Variants in KDM4C observed in about 807,000 individuals in gnomAD.
The protein encoded by KDM4C is lysine-specific demethylase 4C.
Under a neutral mutation model 129.3 loss-of-function variants are expected in KDM4C, and 81 were observed. The observed-to-expected ratio is 0.63, with a 90% CI of 0.52 to 0.75. The LOEUF is 0.75. KDM4C is among the 30% of genes least tolerant of loss of function. The pLI is 0.00. For missense variants in KDM4C, 1,457 were observed against 1,304.0 expected, an observed-to-expected ratio of 1.12 and a Z score of -1.81; for synonymous variants, 573 against 456.1, an observed-to-expected ratio of 1.26 and a Z score of -3.26.
chr9:6,777,864 A>G (rs1159944959), intron 1 of KDM4C, among the ~76,000 whole-genome samples: 1 of 151,970 alleles, frequency 6.6e-6, no homozygotes, highest in African/African-American at 2.4e-5. Context: ...TAGTCAGGAT[A>G]ACTAGTCCCA....
At chr9:6,836,315 T>C (rs1487452332) in intron 4 of KDM4C, among the ~76,000 whole-genome samples, 2 of 152,116 alleles carry the variant, frequency 1.3e-5, no homozygotes, top group African/African-American at 2.4e-5. Flanking sequence ...GAGGTTGCGG[T>C]GCGCCAAGAT....
intron 19 of KDM4C, among the ~76,000 whole-genome samples, chr9:7,154,915 T>A (rs1843016789): frequency 6.6e-6 from 1 of 152,182 alleles, no homozygotes; most frequent in Admixed American, 6.5e-5. Context: ...TAGGTGAAGA[T>A]GGACTGCTTC....
chr9:6,769,216 TC>T (rs559470469), intron 1 of KDM4C, among the ~76,000 whole-genome samples: 75 of 152,274 alleles, frequency 4.9e-4, no homozygotes, highest in Middle Eastern at 3.4e-3. Context: ...GTTTTTTTTT[TC>T]CATGCAATCT....
rs1491581614 is a variant in KDM4C, at chr9:7,068,682, C to CTCTCTTTTTTTTTTT, written c.2424+19483_2424+19484insCTCTTTTTTTTTTTT. Among the ~76,000 whole-genome samples the CTCTCTTTTTTTTTTT allele has an allele frequency of 5.6e-5, 5 of 88,534 alleles. 1 individual carries two copies. Among genetic ancestry groups the CTCTCTTTTTTTTTTT allele is most frequent in the African/African-American group, 8.9e-5 (2 of 22,402 alleles). The allele number at this position is 88,534 out of a possible 152,430, so 58.1% of individuals were successfully genotyped here. On this transcript the variant is annotated intron_variant, in intron 17 of 21. Transcript: ENST00000381309. ...CTATTTCATACATGTTTATGATGCC[C>CTCTCTTTTTTTTTTT]TTTCTTTTTTTTTTTTTTTTTTTTT...
intron 17 of KDM4C, among the ~76,000 whole-genome samples, chr9:7,094,927 C>T (rs773612418): frequency 6.6e-6 from 1 of 152,120 alleles, no homozygotes; most frequent in Non-Finnish European, 1.5e-5. Flanking sequence ...CACTCAGGGG[C>T]CTTGGGATAG....
At chr9:6,851,166 A>T (rs1284917650) in intron 5 of KDM4C, among the ~76,000 whole-genome samples, 1 of 152,080 alleles carries the variant, frequency 6.6e-6, no homozygotes, top group African/African-American at 2.4e-5. Context: ...TTTTGTAGAG[A>T]TGGAGTCTTA....
intron 1 of KDM4C, chr9:6,726,451 A>T (rs1817131029): frequency 6.6e-6 from 1 of 152,250 alleles, no homozygotes; most frequent in African/African-American, 2.4e-5. Flanking sequence ...GTCAGTGATG[A>T]CACATCTGGC....
Position 6,984,230 on chromosome 9 carries a change from G to T in KDM4C, c.1180G>T (p.Glu394Ter). ...KADEEEEVSD[E>*]VDGAEVPNPD... is the part of the protein sequence containing the mutation. ...TGATGAGGAAGAGGAAGTGTCAGAT[G>T]AAGTCGATGGGGCAGAGGTCCCTAA... The change falls in exon 10 of 22, where the codon GAA becomes TAA. Residue 394 changes from glutamate (E) to a stop codon, truncating the protein, a stop_gained. Transcript: ENST00000381309. LOFTEE classifies it high-confidence loss of function. The T allele has an allele frequency of 6.2e-7, 1 of 1,613,936 alleles. No individual in the cohort carries two copies. The highest frequency in any genetic ancestry group is 8.5e-7 in the Non-Finnish European group (1 of 1,179,854).
chr9:7,154,353 CTA>C (rs1237909030), intron 19 of KDM4C, among the ~76,000 whole-genome samples: 1 of 152,220 alleles, frequency 6.6e-6, no homozygotes, highest in African/African-American at 2.4e-5. Context: ...AGGAGCCAAA[CTA>C]TATGCCGATT....
chr9:6,868,175 C>T (rs1215754072), intron 5 of KDM4C, among the ~76,000 whole-genome samples: 2 of 151,884 alleles, frequency 1.3e-5, no homozygotes, highest in Admixed American at 6.6e-5. Flanking sequence ...TAAAAAGCCC[C>T]CCGAGAGAAA....
chr9:6,931,045 A>G (rs1326000044), intron 8 of KDM4C, among the ~76,000 whole-genome samples: 1 of 152,130 alleles, frequency 6.6e-6, no homozygotes, highest in Non-Finnish European at 1.5e-5. Flanking sequence ...ACCAGGATTC[A>G]TCAGGAGAAC....
At chr9:6,826,259 A>G (rs529574995) in intron 4 of KDM4C, among the ~76,000 whole-genome samples, 2 of 149,908 alleles carry the variant, frequency 1.3e-5, no homozygotes, top group East Asian at 3.9e-4. Flanking sequence ...AGTTTTCTTG[A>G]TAATCTATAA....
chr9:6,960,466 C>G (rs1829843625), intron 8 of KDM4C, among the ~76,000 whole-genome samples: 2 of 151,474 alleles, frequency 1.3e-5, no homozygotes, highest in African/African-American at 4.9e-5. Context: ...TCTTTGTTTC[C>G]CAGGATGGTC....
chr9:6,954,173 G>A (rs901059955), intron 8 of KDM4C, among the ~76,000 whole-genome samples: 4 of 152,092 alleles, frequency 2.6e-5, no homozygotes, highest in African/African-American at 4.8e-5. Flanking sequence ...AGATACATAG[G>A]ATTCTGATCC....
intron 4 of KDM4C, among the ~76,000 whole-genome samples, chr9:6,817,195 GCC>G (rs35527694): frequency 1.1e-4 from 6 of 53,252 alleles, no homozygotes; most frequent in Admixed American, 2.8e-4. Context: ...CCCTCCCCCT[GCC>G]CCCCCCCCCA....
intron 5 of KDM4C, among the ~76,000 whole-genome samples, chr9:6,879,673 G>T (rs1474319083): frequency 6.6e-6 from 1 of 152,130 alleles, no homozygotes; most frequent in East Asian, 1.9e-4. Context: ...CTAGAGTGCT[G>T]GGGTGCTATG....
chr9:6,975,883 C>A (rs1393821845), intron 8 of KDM4C, among the ~76,000 whole-genome samples: 1 of 152,110 alleles, frequency 6.6e-6, no homozygotes, highest in Non-Finnish European at 1.5e-5. Context: ...ACTAAAAATA[C>A]AAAAATTAGC....
intron 15 of KDM4C, among the ~76,000 whole-genome samples, chr9:7,018,050 C>T (rs1204071787): frequency 6.6e-6 from 1 of 152,186 alleles, no homozygotes; most frequent in Non-Finnish European, 1.5e-5. Context: ...CATTTTGGTA[C>T]AGGTATGCAT....
intron 3 of KDM4C, among the ~76,000 whole-genome samples, chr9:6,806,164 C>T (rs966206539): frequency 6.6e-6 from 1 of 152,128 alleles, no homozygotes; most frequent in African/African-American, 2.4e-5. Flanking sequence ...ACTTGAAAGG[C>T]CACCATTGCA....
Sources: gnomAD v4.1 joint callset for allele counts (sites outside exome capture counted in the v4.1 genomes callset) on GRCh38, gnomAD v4.1.1 for gene constraint, MANE v1.5 for transcripts, NCBI Gene and HGNC (gene_info 2026-07-23, HGNC 2026-07-21) for gene names.